HYCC1: variants seen among roughly 807,000 people sequenced by gnomAD.
The protein encoded by HYCC1 is hyccin PI4KA lipid kinase complex subunit 1, also known as hyccin.
the HYCC1 span, among the ~76,000 whole-genome samples, chr7:22,982,739 A>G: frequency 6.6e-6 from 1 of 152,056 alleles, no homozygotes; most frequent in African/African-American, 2.4e-5. Context: ...TCATTTGCCA[A>G]TCTATCCTCC....
chr7:22,964,552 G>A, the HYCC1 span: 177 of 1,386,376 alleles, frequency 1.3e-4, no homozygotes, highest in Non-Finnish European at 1.7e-4. Context: ...CAAAATAAAT[G>A]TATTTCTAAA....
chr7:22,914,470 T>A, the HYCC1 span, among the ~76,000 whole-genome samples: 1 of 149,016 alleles, frequency 6.7e-6, no homozygotes, highest in Admixed American at 6.6e-5. Context: ...AACCTAAGCA[T>A]TTTTTTTTTC....
the HYCC1 span, among the ~76,000 whole-genome samples, chr7:23,012,511 T>TAAAG: frequency 2.4e-4 from 36 of 152,294 alleles, no homozygotes; most frequent in African/African-American, 6.5e-4. Flanking sequence ...TTCCTAAATA[T>TAAAG]GTGATGCTTT....
At chr7:22,898,594 CTTTTCTTTTCTTTTT>C in the HYCC1 span, among the ~76,000 whole-genome samples, 40 of 66,150 alleles carry the variant, frequency 6.0e-4, no homozygotes, top group Admixed American at 6.1e-3. Flanking sequence ...CTTTTCTTTT[CTTTTCTTTTCTTTTT>C]TTTTTTTTTT....
At chr7:22,934,267 A>T in the HYCC1 span, 3 of 140,042 alleles carry the variant, frequency 2.1e-5, no homozygotes, top group African/African-American at 8.3e-5. Context: ...TTCAGCAAAT[A>T]CTCAAGAGGA....
the HYCC1 span, among the ~76,000 whole-genome samples, chr7:23,007,838 C>T: frequency 6.6e-6 from 1 of 151,946 alleles, no homozygotes; most frequent in Non-Finnish European, 1.5e-5. Flanking sequence ...AGAAGGAAAA[C>T]CATATGATCA....
At chr7:22,984,067 C>T in the HYCC1 span, 2 of 1,409,212 alleles carry the variant, frequency 1.4e-6, no homozygotes, top group African/African-American at 1.4e-5. Context: ...TAAAAAAATA[C>T]ATTTTACTTT....
chr7:22,969,828 C>T, the HYCC1 span, among the ~76,000 whole-genome samples: 7 of 152,010 alleles, frequency 4.6e-5, no homozygotes, highest in Admixed American at 6.6e-5. Flanking sequence ...CTGGCCCCTT[C>T]GGTATAATTT....
At chr7:22,963,571 T>C in the HYCC1 span, among the ~76,000 whole-genome samples, 17 of 152,242 alleles carry the variant, frequency 1.1e-4, no homozygotes, top group South Asian at 3.5e-3. Context: ...TGTGGGACAA[T>C]ATTAATGGTC....
At chr7:22,976,679 T>C in the HYCC1 span, 11 of 1,465,822 alleles carry the variant, frequency 7.5e-6, 1 homozygote, top group South Asian at 1.2e-4. Context: ...AGAATTTTTA[T>C]CCCCACAGTA....
the HYCC1 span, chr7:22,942,149 C>CA: frequency 2.0e-5 from 3 of 152,198 alleles, no homozygotes; most frequent in African/African-American, 7.2e-5. Flanking sequence ...CCAAAATAGG[C>CA]AAAATCCCTT....
the HYCC1 span, chr7:22,991,289 T>G: frequency 3.6e-6 from 2 of 558,282 alleles, no homozygotes; most frequent in Non-Finnish European, 6.2e-6. Flanking sequence ...AAAACCAATG[T>G]GCACAAACAA....
the HYCC1 span, among the ~76,000 whole-genome samples, chr7:22,948,692 A>G: frequency 6.6e-6 from 1 of 152,040 alleles, no homozygotes; most frequent in South Asian, 2.1e-4. Context: ...CGCACTGCTG[A>G]GCCAACATGC....
At chr7:22,972,494 C>T in the HYCC1 span, among the ~76,000 whole-genome samples, 1 of 152,132 alleles carries the variant, frequency 6.6e-6, no homozygotes, top group Non-Finnish European at 1.5e-5. Flanking sequence ...TAGTTTCATT[C>T]TTAATATTTA....
chr7:22,961,178 G>T, the HYCC1 span: 1 of 1,124,866 alleles, frequency 8.9e-7, no homozygotes, highest in Non-Finnish European at 1.4e-6. Context: ...TCAATTTATA[G>T]TTCTAAATTG....
the HYCC1 span, among the ~76,000 whole-genome samples, chr7:23,004,690 T>A: frequency 6.6e-6 from 1 of 152,270 alleles, no homozygotes; most frequent in Non-Finnish European, 1.5e-5. Context: ...TTAGATATTA[T>A]AAGTATAGTA....
At chr7:22,947,485 T>C in the HYCC1 span, among the ~76,000 whole-genome samples, 3 of 152,126 alleles carry the variant, frequency 2.0e-5, no homozygotes. Context: ...ATTCACGTTC[T>C]GCATTTTTTC....
chr7:22,900,950 C>G, the HYCC1 span, among the ~76,000 whole-genome samples: 1 of 151,962 alleles, frequency 6.6e-6, no homozygotes, highest in Non-Finnish European at 1.5e-5. Context: ...ACTGGCCTGG[C>G]ATGGTGGTTC....
chr7:22,929,732 T>C, the HYCC1 span, among the ~76,000 whole-genome samples: 2 of 152,216 alleles, frequency 1.3e-5, no homozygotes, highest in East Asian at 3.8e-4. Context: ...GGAACACTTT[T>C]ACACTGTTGG....
Sources: gnomAD v4.1 joint callset for allele counts (sites outside exome capture counted in the v4.1 genomes callset) on GRCh38, gnomAD v4.1.1 for gene constraint, MANE v1.5 for transcripts, NCBI Gene and HGNC (gene_info 2026-07-23, HGNC 2026-07-21) for gene names.